The following LYN variants were observed in gnomAD, a reference collection of about 807,000 sequenced individuals.
The protein encoded by LYN is LYN proto-oncogene, Src family tyrosine kinase.
Under a neutral mutation model 65.0 loss-of-function variants are expected in LYN, and 12 were observed. That is an observed-to-expected ratio of 0.18 (90% CI 0.12 to 0.30). LYN has a LOEUF of 0.30. Ranked by LOEUF, LYN falls within the 10% of genes least tolerant of loss-of-function variation. The pLI is 1.00. For synonymous variants in LYN, 222 were observed against 221.2 expected (o/e 1.00, Z -0.03); for missense variants, 380 against 623.2 (o/e 0.61, Z 4.16).
At chr8:55,935,923 G>C (rs1293310606) in intron 1 of LYN, among the ~76,000 whole-genome samples, 1 of 152,154 alleles carries the variant, frequency 6.6e-6, no homozygotes, top group Non-Finnish European at 1.5e-5. Flanking sequence ...TGCCAACCAG[G>C]CTATTGTGTC....
intron 1 of LYN, among the ~76,000 whole-genome samples, chr8:55,884,509 T>C (rs1245365636): frequency 6.6e-6 from 1 of 152,074 alleles, no homozygotes; most frequent in African/African-American, 2.4e-5. Flanking sequence ...CAGGCTGGAG[T>C]GCTTTGGCGT....
At position 56,002,156 on chromosome 8, in the gene LYN, C is replaced by G. The variant is rs533741103; in HGVS notation, c.1336+2607C>G. Among the ~76,000 whole-genome samples the G allele has an allele frequency of 3.9e-5, 6 of 152,226 alleles. No individual in the cohort carries two copies. The East Asian group carries it at 7.7e-4, about 20-fold the overall frequency. On this transcript the variant is annotated intron_variant, in intron 12 of 12. Transcript: ENST00000519728. Reference sequence around the variant, plus strand: ...ATTAGGCTGGGTGCAGTGGCTCACACCTGTAATCCCAGCACTTTGGGAGGC... The same window carrying G: ...ATTAGGCTGGGTGCAGTGGCTCACAGCTGTAATCCCAGCACTTTGGGAGGC...
intron 1 of LYN, among the ~76,000 whole-genome samples, chr8:55,891,287 G>A (rs1804954938): frequency 6.6e-6 from 1 of 151,768 alleles, no homozygotes; most frequent in African/African-American, 2.4e-5. Flanking sequence ...GGGAGGCAGA[G>A]GTTGCAGTGA....
At position 55,880,186 on chromosome 8, in the gene LYN, G is replaced by A. The variant is rs140808795; in HGVS notation, c.-6+83G>A. ...GGCCGCGGCTGTGCCACCAGCCGGA[G>A]TCCCGGGCGCAGGGTAGACTCGGGG... On this transcript the variant is annotated intron_variant, in intron 1 of 12. Coordinates refer to ENST00000519728, the MANE Select transcript of LYN (RefSeq NM_002350.4). The A allele has an allele frequency of 4.5e-3, 748 of 167,996 alleles. 10 individuals carry two copies. The highest frequency in any genetic ancestry group is 0.017 in the African/African-American group (714 of 41,604). The allele number at this position is 167,996 out of a possible 1,614,324, so 10.4% of individuals were successfully genotyped here.
chr8:55,951,890 T>C lies in LYN; in HGVS notation c.488-76T>C. The C allele has an allele frequency of 2.6e-6, 3 of 1,134,310 alleles. No homozygotes were observed. In the South Asian group the frequency reaches 4.4e-5, roughly 17 times the overall value. 70.3% of individuals were successfully genotyped at this position (1,134,310 alleles called of 1,614,324 possible). ...TATTTTGCATATTTGTATCACAAAATGTGTACTGCAGTTGTTGTATAATGC... is the reference window on the plus strand; with the variant it reads ...TATTTTGCATATTTGTATCACAAAACGTGTACTGCAGTTGTTGTATAATGC... On this transcript the variant is annotated intron_variant, in intron 6 of 12. Coordinates refer to ENST00000519728, the MANE Select transcript of LYN (RefSeq NM_002350.4).
intron 11 of LYN, 66 bp from the exon 12 acceptor site, chr8:55,999,352 A>G: frequency 7.2e-7 from 1 of 1,392,920 alleles, no homozygotes; most frequent in Non-Finnish European, 1.0e-6. Flanking sequence ...GTATGGGGTC[A>G]CATGTTCATG....
intron 1 of LYN, among the ~76,000 whole-genome samples, chr8:55,939,107 G>A (rs1341526304): frequency 6.6e-6 from 1 of 152,126 alleles, no homozygotes; most frequent in Admixed American, 6.5e-5. Flanking sequence ...TACATTTCTG[G>A]TACTTTCATA....
At position 55,946,430 on chromosome 8, in the gene LYN, A is replaced by C; in HGVS notation, c.133-18A>C. 3.2e-6 allele frequency: 5 copies of C among 1,584,702 alleles called. No homozygotes were observed. The highest frequency in any genetic ancestry group is 4.3e-6 in the Non-Finnish European group (5 of 1,156,222). On this transcript the variant is annotated intron_variant, in intron 2 of 12. Transcript: ENST00000519728. ...AAGCTAAACAGAATTTTTTTTTCTA[A>C]CAAATATTCTCTCGTAGGTTCCAGA...
intron 10 of LYN, among the ~76,000 whole-genome samples, chr8:55,971,420 C>G (rs1038047032): frequency 1.3e-5 from 2 of 152,230 alleles, no homozygotes; most frequent in African/African-American, 4.8e-5. Flanking sequence ...CATACTTACA[C>G]GGATCAATGA....
chr8:55,987,311 G>A lies in LYN; in HGVS notation c.1051-11035G>A, dbSNP rs115432715. 3.9e-3 allele frequency among the ~76,000 whole-genome samples: 586 copies of A among 151,780 alleles called. 9 individuals carry two copies. Among genetic ancestry groups the A allele is most frequent in the African/African-American group, 0.014 (564 of 41,374 alleles). On this transcript the variant is annotated intron_variant, in intron 10 of 12. Transcript: ENST00000519728. ...AGGTCCCAGCTACTGGGGAGGCTGA[G>A]GCACAAGAATTGCTCGAGCCCCGGA...
chr8:55,891,595 A>G (rs1042933399), intron 1 of LYN, among the ~76,000 whole-genome samples: 19 of 152,160 alleles, frequency 1.2e-4, no homozygotes, highest in African/African-American at 4.6e-4. Flanking sequence ...TGCAAGATGA[A>G]AAGAGTTCTG....
intron 9 of LYN, among the ~76,000 whole-genome samples, chr8:55,967,360 G>A (rs1366047775): frequency 1.1e-4 from 16 of 140,594 alleles, no homozygotes. Context: ...TGTTGCCCGG[G>A]CTGGAGTGCA....
chr8:55,893,152 C>T (rs1805001858), intron 1 of LYN, among the ~76,000 whole-genome samples: 1 of 152,202 alleles, frequency 6.6e-6, no homozygotes, highest in Admixed American at 6.5e-5. Context: ...AGACCTCGTC[C>T]TGTTTTACCC....
At chr8:55,892,127 A>G (rs1804977461) in intron 1 of LYN, among the ~76,000 whole-genome samples, 2 of 152,270 alleles carry the variant, frequency 1.3e-5, no homozygotes, top group Non-Finnish European at 2.9e-5. Context: ...CCTTTTAGAA[A>G]AGGTTGCATT....
intron 1 of LYN, among the ~76,000 whole-genome samples, chr8:55,923,776 G>C (rs1454451976): frequency 6.6e-6 from 1 of 152,044 alleles, no homozygotes; most frequent in African/African-American, 2.4e-5. Flanking sequence ...CTGACCTCAA[G>C]TGATTTGCCT....
intron 11 of LYN, 119 bp downstream of exon 11, chr8:55,998,618 T>A: frequency 1.1e-6 from 1 of 872,884 alleles, no homozygotes; most frequent in Non-Finnish European, 1.8e-6. Flanking sequence ...GTACAACATT[T>A]AAGCTGTACC....
chr8:55,969,915 T>C, intron 10 of LYN, 122 bp downstream of exon 10: 3 of 830,282 alleles, frequency 3.6e-6, no homozygotes, highest in Non-Finnish European at 6.1e-6. Flanking sequence ...CAGCAGCAGT[T>C]ATGAGAAAAA....
At chr8:55,928,987 A>G (rs1012776389) in intron 1 of LYN, among the ~76,000 whole-genome samples, 17 of 152,068 alleles carry the variant, frequency 1.1e-4, no homozygotes, top group Non-Finnish European at 2.2e-4. Flanking sequence ...ATTTATTTAC[A>G]TACTTATTTA....
At chr8:55,907,105 A>C (rs1805448972) in intron 1 of LYN, among the ~76,000 whole-genome samples, 1 of 152,208 alleles carries the variant, frequency 6.6e-6, no homozygotes, top group Admixed American at 6.5e-5. Flanking sequence ...AGAAAGAAAA[A>C]CATAGGTCCA....
Sources: allele counts gnomAD v4.1 joint callset (sites outside exome capture counted in the v4.1 genomes callset), GRCh38; gene constraint gnomAD v4.1.1; transcripts MANE v1.5; gene names NCBI Gene and HGNC (gene_info 2026-07-23, HGNC 2026-07-21).